POU2F3: variants seen among roughly 807,000 people sequenced by gnomAD.
The protein encoded by POU2F3 is POU class 2 homeobox 3, also known as POU domain, class 2, transcription factor 3.
A neutral mutation model predicts 59.2 loss-of-function variants in POU2F3; 23 were observed. That is an observed-to-expected ratio of 0.39 (90% CI 0.28 to 0.55). The LOEUF (loss-of-function observed/expected upper bound fraction) is 0.55, where lower values mean the gene tolerates loss of function less well. Ranked by LOEUF, POU2F3 falls within the 20% of genes least tolerant of loss-of-function variation. The pLI, the probability that POU2F3 is intolerant of heterozygous loss-of-function variation, is 0.66. For missense variants in POU2F3, 473 were observed against 544.5 expected (o/e 0.87, Z 1.31); for synonymous variants, 190 against 214.6 (o/e 0.89, Z 1.00).
chr11:120,241,727 T>A lies in POU2F3; in HGVS notation c.28+1356T>A, dbSNP rs61247808. Among the ~76,000 whole-genome samples, 1,098 of 152,110 alleles carry A rather than the reference T, an allele frequency of 7.2e-3. 11 individuals are homozygous for A. Among genetic ancestry groups the A allele is most frequent in the African/African-American group, 0.026 (1,059 of 41,490 alleles). The stretch of plus-strand genomic sequence containing the variant: ...GTGGGCTTAGCAGTGGATGGGAAGT[T>A]TTTTAGCACCAAGATCACAGACTTC... On this transcript the variant is annotated intron_variant, in intron 1 of 12. Coordinates refer to ENST00000543440, the MANE Select transcript of POU2F3 (RefSeq NM_014352.4).
chr11:120,315,329 A>G, intron 10 of POU2F3, 32 bp from the exon 11 acceptor site: 1 of 1,583,068 alleles, frequency 6.3e-7, no homozygotes, highest in Non-Finnish European at 8.7e-7. Flanking sequence ...GGGAGCAGAA[A>G]TGGACATTTA....
rs36099803 is a variant in POU2F3 at position 120,283,772 on chromosome 11, CGTGTGTGT to C, written c.133-14452_133-14445del. ...TCCACCTGTGTGCCTTAATAGGCTT[CGTGTGTGT>C]GTGTGTGTGTGTGTGTGTGTGTGTG... On this transcript the variant is annotated intron_variant, in intron 3 of 12. Coordinates refer to ENST00000543440, the MANE Select transcript of POU2F3 (RefSeq NM_014352.4). Among the ~76,000 whole-genome samples the C allele has an allele frequency of 7.1e-3, 922 of 130,432 alleles. 9 individuals are homozygous for C. The highest frequency in any genetic ancestry group is 0.023 in the African/African-American group (800 of 34,540). 85.6% of individuals were successfully genotyped at this position (130,432 alleles called of 152,430 possible).
At chr11:120,247,131 A>G (rs895876187) in intron 2 of POU2F3, among the ~76,000 whole-genome samples, 17 of 152,246 alleles carry the variant, frequency 1.1e-4, no homozygotes, top group Admixed American at 4.6e-4. Context: ...AGAATTAAAA[A>G]AGAGAGTTTC....
chr11:120,246,102 G>A (rs1405131143), intron 1 of POU2F3, among the ~76,000 whole-genome samples: 3 of 152,188 alleles, frequency 2.0e-5, no homozygotes, highest in Non-Finnish European at 4.4e-5. Flanking sequence ...AAGGAAACGA[G>A]TGTTGGAAAT....
intron 11 of POU2F3, among the ~76,000 whole-genome samples, chr11:120,316,004 C>T (rs766048984): frequency 6.6e-6 from 1 of 151,780 alleles, no homozygotes; most frequent in Non-Finnish European, 1.5e-5. Flanking sequence ...TCCCGAGTAA[C>T]TGGGATTACA....
At position 120,318,581 on chromosome 11, in the gene POU2F3, C is replaced by T; in HGVS notation, c.*189C>T. 2 of 612,562 alleles carry T rather than the reference C, an allele frequency of 3.3e-6. No individual in the cohort carries two copies. The highest frequency in any genetic ancestry group is 2.8e-5 in the East Asian group (1 of 36,102). 37.9% of individuals were successfully genotyped at this position (612,562 alleles called of 1,614,324 possible). A position where few individuals can be genotyped will look rare whatever the true frequency, so the allele number is the denominator to read the frequency against. On this transcript the variant is annotated 3_prime_UTR_variant, in exon 13 of 13. Coordinates refer to ENST00000543440, the MANE Select transcript of POU2F3 (RefSeq NM_014352.4). The stretch of plus-strand genomic sequence containing the variant: ...ATCCAAACTGTGATTGAACCAAGTG[C>T]AGACTCCTAATGCTCTTGAAATACA...
Position 120,318,449 on chromosome 11 carries a change from A to G in POU2F3, c.*57A>G, listed in dbSNP as rs1941843996. 6.8e-7 allele frequency: 1 copy of G among 1,479,792 alleles called. No homozygotes were observed. The highest frequency in any genetic ancestry group is 9.5e-7 in the Non-Finnish European group (1 of 1,057,850). The allele number at this position is 1,479,792 out of a possible 1,614,324, so 91.7% of individuals were successfully genotyped here. ...CTGTATTCCCCCTGGAAGGAAGGGA[A>G]TCATGCCTTCTATATACAGACAGAT... On this transcript the variant is annotated 3_prime_UTR_variant, in exon 13 of 13. Coordinates refer to ENST00000543440, the MANE Select transcript of POU2F3 (RefSeq NM_014352.4).
At chr11:120,298,166 G>T in intron 3 of POU2F3, 99 bp from the exon 4 acceptor site, 1 of 1,423,416 alleles carries the variant, frequency 7.0e-7, no homozygotes. Flanking sequence ...TCCTCTCTAG[G>T]CTGGTCACTC....
chr11:120,312,903 G>T (rs1941686535), intron 10 of POU2F3, among the ~76,000 whole-genome samples: 1 of 152,166 alleles, frequency 6.6e-6, no homozygotes, highest in African/African-American at 2.4e-5. Flanking sequence ...GTTGGGGGGT[G>T]CAGAGAGGTG....
intron 10 of POU2F3, among the ~76,000 whole-genome samples, chr11:120,312,355 T>G (rs193191625): frequency 6.6e-6 from 1 of 152,282 alleles, no homozygotes; most frequent in East Asian, 1.9e-4. Context: ...ACTCCTGACT[T>G]CAGGTGATCT....
intron 2 of POU2F3, among the ~76,000 whole-genome samples, chr11:120,248,446 T>A (rs998679196): frequency 2.0e-5 from 3 of 152,244 alleles, no homozygotes; most frequent in Non-Finnish European, 4.4e-5. Context: ...CTTAGCACAG[T>A]GCTTGGCACA....
chr11:120,242,851 G>A (rs1215674529), intron 1 of POU2F3, among the ~76,000 whole-genome samples: 2 of 152,188 alleles, frequency 1.3e-5, no homozygotes, highest in Admixed American at 6.5e-5. Flanking sequence ...GCAGCAAGGA[G>A]GGGCTCCCTG....
chr11:120,286,572 G>A (rs1003528791), intron 3 of POU2F3, among the ~76,000 whole-genome samples: 7 of 152,168 alleles, frequency 4.6e-5, no homozygotes, highest in African/African-American at 1.4e-4. Flanking sequence ...GTCCAGTACA[G>A]GAAACTCCCT....
chr11:120,292,791 G>T (rs766780238), intron 3 of POU2F3, among the ~76,000 whole-genome samples: 1 of 152,248 alleles, frequency 6.6e-6, no homozygotes. Flanking sequence ...GCACCATGAA[G>T]CATTAGTGAG....
intron 1 of POU2F3, among the ~76,000 whole-genome samples, chr11:120,244,727 C>T (rs1018389377): frequency 6.6e-5 from 10 of 152,194 alleles, no homozygotes; most frequent in African/African-American, 1.4e-4. Context: ...TTAGGCAATG[C>T]CCAGCTCCAG....
intron 1 of POU2F3, among the ~76,000 whole-genome samples, chr11:120,245,592 G>A (rs1274682010): frequency 6.6e-6 from 1 of 152,200 alleles, no homozygotes; most frequent in African/African-American, 2.4e-5. Context: ...TTGGTTCAAA[G>A]TTGCCTCTCT....
intron 9 of POU2F3, 72 bp downstream of exon 9, chr11:120,307,687 C>A: frequency 6.3e-7 from 1 of 1,581,468 alleles, no homozygotes. Context: ...CGGCCCAGGC[C>A]CCTTGGCACC....
chr11:120,267,931 G>T (rs548957700), intron 2 of POU2F3, among the ~76,000 whole-genome samples: 23 of 152,102 alleles, frequency 1.5e-4, no homozygotes, highest in Non-Finnish European at 2.9e-4. Context: ...CCAAAGGAAG[G>T]TTGTGCGGCA....
intron 2 of POU2F3, among the ~76,000 whole-genome samples, chr11:120,258,400 G>A (rs182394888): frequency 1.3e-4 from 20 of 152,286 alleles, no homozygotes; most frequent in Admixed American, 3.3e-4. Flanking sequence ...GGGCATTGGA[G>A]CTCAGAGATT....
Sources: allele counts gnomAD v4.1 joint callset (sites outside exome capture counted in the v4.1 genomes callset), GRCh38; gene constraint gnomAD v4.1.1; transcripts MANE v1.5; gene names NCBI Gene and HGNC (gene_info 2026-07-23, HGNC 2026-07-21).